ATP10A: variants seen among roughly 807,000 people sequenced by gnomAD.
ATP10A encodes ATPase phospholipid transporting 10A (putative).
A neutral mutation model predicts 147.8 loss-of-function variants in ATP10A; 111 were observed. The ratio of observed to expected loss-of-function variants is 0.75; its 90% CI spans 0.64 to 0.88. The LOEUF (loss-of-function observed/expected upper bound fraction) is 0.88, where lower values mean the gene tolerates loss of function less well. Ranked by LOEUF, ATP10A falls within the 40% of genes least tolerant of loss-of-function variation. ATP10A has a pLI of 0.00. For missense variants in ATP10A, 1,927 were observed against 1,959.0 expected (o/e 0.98, Z 0.31); for synonymous variants, 875 against 841.6 (o/e 1.04, Z -0.69).
chr15:25,705,851 G>C (rs898525807), intron 12 of ATP10A, among the ~76,000 whole-genome samples: 1 of 152,210 alleles, frequency 6.6e-6, no homozygotes, highest in Non-Finnish European at 1.5e-5. Context: ...GTATCCATGA[G>C]CTCTGCCAGG....
At position 25,745,383 on chromosome 15, in the gene ATP10A, G is replaced by T. The variant is rs545653850; in HGVS notation, c.655-9242C>A. On this transcript the variant is annotated intron_variant, in intron 2 of 20. Coordinates refer to ENST00000555815, the MANE Select transcript of ATP10A (RefSeq NM_024490.4). ...AAAAAAAGGGAAATTGATAAAACTT[G>T]TTACTGGCACACAAAAACTAAAGAA... Among the ~76,000 whole-genome samples, 4 of 151,718 alleles carry T rather than the reference G, an allele frequency of 2.6e-5. No individual in the cohort carries two copies. The East Asian group carries it at 7.8e-4, about 29-fold the overall frequency.
chr15:25,718,347 C>A lies in ATP10A; in HGVS notation c.1416G>T (p.Val472=), dbSNP rs534713050. Residue 472 remains valine, a synonymous_variant, in exon 8 of 21, where the codon GTG becomes GTT. Transcript: ENST00000555815. ...GCTGGGACACCGAGCCCCCTCTGGG[C>A]ACCACCTCCTCCTCCTCCGAGTCTG... ...QEADSEEEEV[V]PRGGSVSQRG... is the part of the protein sequence containing the mutation. 5 of 1,610,118 alleles carry A rather than the reference C, an allele frequency of 3.1e-6. No individual in the cohort carries two copies. Among genetic ancestry groups the A allele is most frequent in the Admixed American group, 3.3e-5 (2 of 59,808 alleles).
downstream of ATP10A, among the ~76,000 whole-genome samples, chr15:25,673,637 C>T (rs1899083975): frequency 6.6e-6 from 1 of 152,214 alleles, no homozygotes; most frequent in Non-Finnish European, 1.5e-5. Flanking sequence ...GAAGGACTCA[C>T]CCTTCGTCAC....
At chr15:25,708,140 T>C in intron 11 of ATP10A, 38 bp from the exon 12 acceptor site, 1 of 1,613,224 alleles carries the variant, frequency 6.2e-7, no homozygotes, top group Non-Finnish European at 8.5e-7. Flanking sequence ...CACCGGGCGC[T>C]GCTCACTGTG....
chr15:25,714,162 G>C lies in ATP10A; in HGVS notation c.1856C>G (p.Thr619Ser). 6.2e-7 allele frequency: 1 copy of C among 1,610,168 alleles called. No homozygotes were observed. Among genetic ancestry groups the C allele is most frequent in the Non-Finnish European group, 8.5e-7 (1 of 1,180,028 alleles). ...FLRRFTPSCL[T>S]SGCSSIGSLA... ...GCTCCCGATGCTGCTGCAGCCTGAG[G>C]TCAGGCAGCTGGGTGTGAACCTCCG... The change falls in exon 10 of 21, where the codon ACC becomes AGC. Residue 619 changes from threonine (T) to serine (S), a missense_variant. Physicochemically the swap from Thr to Ser is moderately conservative, Grantham distance 58 (BLOSUM62 1). Coordinates refer to ENST00000555815, the MANE Select transcript of ATP10A (RefSeq NM_024490.4).
At chr15:25,717,330 T>C (rs932629438) in intron 8 of ATP10A, among the ~76,000 whole-genome samples, 1 of 152,240 alleles carries the variant, frequency 6.6e-6, no homozygotes, top group Non-Finnish European at 1.5e-5. Context: ...TGACCATCCC[T>C]TTATCACTGG....
chr15:25,714,906 C>A (rs1481691078), intron 9 of ATP10A, among the ~76,000 whole-genome samples: 2 of 151,958 alleles, frequency 1.3e-5, no homozygotes, highest in East Asian at 3.9e-4. Context: ...AATTGAGGAT[C>A]CCAAACATTG....
At chr15:25,831,227 C>A (rs967060063) in intron 1 of ATP10A, among the ~76,000 whole-genome samples, 3 of 152,052 alleles carry the variant, frequency 2.0e-5, no homozygotes, top group Non-Finnish European at 2.9e-5. Flanking sequence ...GCTCGGGGGC[C>A]TCGGGGGCTC....
chr15:25,751,872 TAGA>T (rs373100171), intron 2 of ATP10A, among the ~76,000 whole-genome samples: 10 of 152,076 alleles, frequency 6.6e-5, no homozygotes, highest in African/African-American at 2.4e-4. Context: ...AAACATTGCT[TAGA>T]AGAAGACATA....
chr15:25,856,562 G>C (rs1022579438), intron 1 of ATP10A, among the ~76,000 whole-genome samples: 1 of 152,176 alleles, frequency 6.6e-6, no homozygotes, highest in Non-Finnish European at 1.5e-5. Flanking sequence ...GGAAACCAGG[G>C]AGTAGATGAG....
chr15:25,785,459 C>A (rs1363561830), intron 1 of ATP10A, among the ~76,000 whole-genome samples: 1 of 152,170 alleles, frequency 6.6e-6, no homozygotes, highest in Non-Finnish European at 1.5e-5. Context: ...GTTGAAGTCA[C>A]CCCATCTGTG....
At chr15:25,776,810 AC>A (rs1315676238) in intron 2 of ATP10A, among the ~76,000 whole-genome samples, 1 of 151,932 alleles carries the variant, frequency 6.6e-6, no homozygotes, top group African/African-American at 2.4e-5. Flanking sequence ...ATTAAATACA[AC>A]CCTATTCCGC....
At chr15:25,824,559 G>GTTT (rs61050447) in intron 1 of ATP10A, among the ~76,000 whole-genome samples, 1 of 120,198 alleles carries the variant, frequency 8.3e-6, no homozygotes, top group South Asian at 2.3e-4. Flanking sequence ...TTTTGTGTGT[G>GTTT]TTTTTTTTTT....
intron 1 of ATP10A, among the ~76,000 whole-genome samples, chr15:25,786,526 G>T (rs1228156804): frequency 6.6e-6 from 1 of 151,704 alleles, no homozygotes; most frequent in East Asian, 1.9e-4. Flanking sequence ...CAAAGGCCAT[G>T]GACGACTAAG....
intron 1 of ATP10A, among the ~76,000 whole-genome samples, chr15:25,805,736 T>A (rs751812776): frequency 6.6e-6 from 1 of 152,160 alleles, no homozygotes; most frequent in Non-Finnish European, 1.5e-5. Context: ...GTCTAGGGAA[T>A]GCCAAACACT....
intron 2 of ATP10A, among the ~76,000 whole-genome samples, chr15:25,773,337 A>T (rs1450507452): frequency 6.6e-6 from 1 of 152,132 alleles, no homozygotes; most frequent in Non-Finnish European, 1.5e-5. Flanking sequence ...AGATAACTCC[A>T]ATGTCTGCGG....
intron 1 of ATP10A, among the ~76,000 whole-genome samples, chr15:25,820,489 G>A (rs939341224): frequency 1.3e-5 from 2 of 152,122 alleles, no homozygotes; most frequent in Admixed American, 1.3e-4. Flanking sequence ...CTCCAAAGTC[G>A]AGGAGAGAAC....
intron 1 of ATP10A, among the ~76,000 whole-genome samples, chr15:25,840,733 T>C (rs1447785105): frequency 6.6e-6 from 1 of 152,174 alleles, no homozygotes; most frequent in African/African-American, 2.4e-5. Flanking sequence ...AAGGGACTAT[T>C]TTCCAGAGTG....
At chr15:25,758,998 T>C (rs1888605113) in intron 2 of ATP10A, among the ~76,000 whole-genome samples, 1 of 152,086 alleles carries the variant, frequency 6.6e-6, no homozygotes, top group Non-Finnish European at 1.5e-5. Flanking sequence ...AATTAGCCCA[T>C]TGGAAGTAGT....
Sources: gnomAD v4.1 joint callset for allele counts (sites outside exome capture counted in the v4.1 genomes callset) on GRCh38, gnomAD v4.1.1 for gene constraint, MANE v1.5 for transcripts, NCBI Gene and HGNC (gene_info 2026-07-23, HGNC 2026-07-21) for gene names.